The following ADGRB3 variants were observed in gnomAD, a reference collection of about 807,000 sequenced individuals.
The protein encoded by ADGRB3 is adhesion G protein-coupled receptor B3.
Under a neutral mutation model 193.4 loss-of-function variants are expected in ADGRB3, and 37 were observed. The observed-to-expected ratio is 0.19, with a 90% CI of 0.15 to 0.25. The LOEUF (loss-of-function observed/expected upper bound fraction) is 0.25. Among genes scored for constraint, ADGRB3 ranks in the 10% least tolerant of loss-of-function variants. ADGRB3 has a pLI of 1.00. For synonymous variants in ADGRB3, 690 were observed against 644.2 expected, an observed-to-expected ratio of 1.07 and a Z score of -1.08; for missense variants, 1,637 against 1,852.9, an observed-to-expected ratio of 0.88 and a Z score of 2.14.
chr6:68,964,340 G>C (rs1768317579), intron 8 of ADGRB3, among the ~76,000 whole-genome samples: 1 of 152,158 alleles, frequency 6.6e-6, no homozygotes, highest in Non-Finnish European at 1.5e-5. Context: ...ATTTGTCCCA[G>C]CTGTGCCCAA....
At chr6:69,051,054 G>T (rs1771378416) in intron 15 of ADGRB3, among the ~76,000 whole-genome samples, 1 of 151,886 alleles carries the variant, frequency 6.6e-6, no homozygotes, top group South Asian at 2.1e-4. Context: ...ATTTCCTCAG[G>T]AAATTTCCCA....
chr6:69,077,070 G>A (rs1412642636), intron 17 of ADGRB3, among the ~76,000 whole-genome samples: 2 of 151,876 alleles, frequency 1.3e-5, no homozygotes, highest in Non-Finnish European at 2.9e-5. Context: ...TTTTGCTATA[G>A]GTTCTCATAC....
At chr6:68,995,084 C>T (rs536588019) in intron 11 of ADGRB3, among the ~76,000 whole-genome samples, 8 of 152,094 alleles carry the variant, frequency 5.3e-5, no homozygotes, top group South Asian at 2.1e-4. Context: ...CACCACTGTC[C>T]GTATTTAAAA....
intron 20 of ADGRB3, among the ~76,000 whole-genome samples, chr6:69,252,895 T>C (rs568299433): frequency 6.6e-6 from 1 of 152,082 alleles, no homozygotes; most frequent in African/African-American, 2.4e-5. Context: ...TATTATCTTA[T>C]CTATATTCTA....
intron 20 of ADGRB3, among the ~76,000 whole-genome samples, chr6:69,284,005 T>A (rs535187634): frequency 2.6e-5 from 4 of 152,304 alleles, no homozygotes; most frequent in South Asian, 4.1e-4. Context: ...GGCTGCTAGC[T>A]TATTCCACAA....
rs570432832 is a variant in ADGRB3, at chr6:68,810,371, G to A, written c.758-120188G>A. Among the ~76,000 whole-genome samples, 4 of 152,268 alleles carry A rather than the reference G, an allele frequency of 2.6e-5. No individual in the cohort carries two copies. In the South Asian group the frequency reaches 8.3e-4, roughly 32 times the overall value. On this transcript the variant is annotated intron_variant, in intron 3 of 31. Coordinates refer to ENST00000370598, the MANE Select transcript of ADGRB3 (RefSeq NM_001704.3). ...ATTGCCCTGGACACTATCAACAATG[G>A]CCAGACCTTTGGTGAACTACCTATC...
At chr6:69,357,319 A>C (rs1040405432) in intron 28 of ADGRB3, among the ~76,000 whole-genome samples, 2 of 151,994 alleles carry the variant, frequency 1.3e-5, no homozygotes, top group African/African-American at 4.8e-5. Context: ...CCCCAGTCTT[A>C]TTTGTAAAGG....
At chr6:68,708,603 C>T (rs1011620695) in intron 3 of ADGRB3, among the ~76,000 whole-genome samples, 7 of 152,172 alleles carry the variant, frequency 4.6e-5, no homozygotes, top group Middle Eastern at 3.4e-3. Context: ...AAAACAAAAC[C>T]GAAGACGTCC....
intron 5 of ADGRB3, among the ~76,000 whole-genome samples, chr6:68,942,709 C>G (rs1382285873): frequency 2.0e-5 from 3 of 152,032 alleles, no homozygotes; most frequent in Non-Finnish European, 2.9e-5. Flanking sequence ...CTTCCAGATT[C>G]AAGGGATTCT....
intron 3 of ADGRB3, among the ~76,000 whole-genome samples, chr6:68,789,200 A>G (rs1767045687): frequency 6.6e-6 from 1 of 152,002 alleles, no homozygotes; most frequent in African/African-American, 2.4e-5. Context: ...TGTCATTATG[A>G]TGTTAGCTGG....
chr6:69,160,913 T>C (rs1474851113), intron 17 of ADGRB3, among the ~76,000 whole-genome samples: 1 of 152,124 alleles, frequency 6.6e-6, no homozygotes, highest in African/African-American at 2.4e-5. Flanking sequence ...CTCAAAGAAC[T>C]GGAGGCAATG....
intron 17 of ADGRB3, among the ~76,000 whole-genome samples, chr6:69,170,046 G>C (rs569283964): frequency 6.6e-6 from 1 of 152,226 alleles, no homozygotes; most frequent in Admixed American, 6.5e-5. Context: ...TACAATTAAT[G>C]AAGGGAAATT....
chr6:68,915,326 A>T (rs529587200), intron 3 of ADGRB3, among the ~76,000 whole-genome samples: 44 of 152,254 alleles, frequency 2.9e-4, no homozygotes, highest in Admixed American at 9.2e-4. Context: ...TGCCTATTTC[A>T]TTGGAAAGAA....
chr6:68,983,112 T>C (rs990210717), intron 10 of ADGRB3, among the ~76,000 whole-genome samples: 1 of 152,134 alleles, frequency 6.6e-6, no homozygotes. Flanking sequence ...AAATTTAAAT[T>C]GTATTATAAA....
chr6:68,817,459 C>G (rs1472727743), intron 3 of ADGRB3, among the ~76,000 whole-genome samples: 2 of 149,662 alleles, frequency 1.3e-5, no homozygotes, highest in Non-Finnish European at 3.0e-5. Flanking sequence ...CATCTAAGCA[C>G]TCTTTACCAC....
intron 3 of ADGRB3, among the ~76,000 whole-genome samples, chr6:68,821,402 A>G (rs1767745900): frequency 6.6e-6 from 1 of 151,798 alleles, no homozygotes; most frequent in African/African-American, 2.4e-5. Flanking sequence ...ACTGTACACT[A>G]CTCTCACTTA....
At chr6:69,367,319 A>G (rs1427071054) in intron 29 of ADGRB3, among the ~76,000 whole-genome samples, 1 of 152,110 alleles carries the variant, frequency 6.6e-6, no homozygotes, top group Non-Finnish European at 1.5e-5. Context: ...TGTTAAGCAA[A>G]AGATTGTCAC....
At chr6:69,043,850 A>G (rs1771158098) in intron 13 of ADGRB3, among the ~76,000 whole-genome samples, 1 of 152,158 alleles carries the variant, frequency 6.6e-6, no homozygotes, top group Non-Finnish European at 1.5e-5. Context: ...TTTGAGACTG[A>G]TAGAGGATGC....
chr6:69,260,228 A>G (rs1766895054), intron 20 of ADGRB3, among the ~76,000 whole-genome samples: 1 of 152,140 alleles, frequency 6.6e-6, no homozygotes, highest in Non-Finnish European at 1.5e-5. Flanking sequence ...ACTGGATGAG[A>G]ATGGCTTTTG....
Sources: allele counts gnomAD v4.1 joint callset (sites outside exome capture counted in the v4.1 genomes callset), GRCh38; gene constraint gnomAD v4.1.1; transcripts MANE v1.5; gene names NCBI Gene and HGNC (gene_info 2026-07-23, HGNC 2026-07-21).